Variants in SIPA1L1 observed in about 807,000 individuals in gnomAD.
SIPA1L1 encodes the protein signal-induced proliferation-associated 1-like protein 1.
SIPA1L1 carries 26 observed loss-of-function variants against 162.7 expected under a neutral mutation model. That is an observed-to-expected ratio of 0.16 (90% confidence interval 0.12 to 0.22). The LOEUF is 0.22. Among genes scored for constraint, SIPA1L1 ranks in the 10% least tolerant of loss-of-function variants. The pLI is 1.00. For missense variants in SIPA1L1, 1,874 were observed against 2,241.0 expected (o/e 0.84, Z 3.31); for synonymous variants, 829 against 837.4 (o/e 0.99, Z 0.17).
chr14:71,542,271 TTCCTCTTCCTC>T (rs1008743485), intron 4 of SIPA1L1, among the ~76,000 whole-genome samples: 5 of 139,866 alleles, frequency 3.6e-5, no homozygotes, highest in East Asian at 4.0e-4. Flanking sequence ...CTTCTTCTTC[TTCCTCTTCCTC>T]TCCTCTTCCT....
intron 2 of SIPA1L1, among the ~76,000 whole-genome samples, chr14:71,423,423 ACCT>A (rs1280040206): frequency 6.6e-6 from 1 of 152,118 alleles, no homozygotes; most frequent in Non-Finnish European, 1.5e-5. Context: ...TATAGCTTCT[ACCT>A]TATGTTTTCC....
intron 2 of SIPA1L1, among the ~76,000 whole-genome samples, chr14:71,349,286 A>T (rs2036467207): frequency 6.6e-6 from 1 of 152,204 alleles, no homozygotes. Flanking sequence ...GTTGAGCATT[A>T]CTTTTCTGCT....
chr14:71,608,559 C>T (rs2037800588), intron 5 of SIPA1L1, among the ~76,000 whole-genome samples: 1 of 152,040 alleles, frequency 6.6e-6, no homozygotes, highest in Admixed American at 6.6e-5. Context: ...TCTTTATAGT[C>T]ATTGACCATT....
rs1859643 is a variant in SIPA1L1 at position 71,588,751 on chromosome 14, A to C, written c.879A>C (p.Ser293=). The change falls in exon 5 of 24, where the codon TCA becomes TCC. Residue 293 remains serine (S), a synonymous_variant. Coordinates refer to ENST00000381232, the MANE Select transcript of SIPA1L1 (RefSeq NM_001386936.1). The surrounding 1 kb of genome is among the most constrained non-coding windows in gnomAD (Gnocchi z 4.3). ...GTTCAAAATCTGAAACTGGAGACTC[A>C]TCTATTTTTCGTAAATTGCGCAATG... The part of the protein sequence containing the change: ...KRRSKSETGD[S]SIFRKLRNAK... 0.78 allele frequency: 1,265,954 copies of C among 1,613,866 alleles called. 499,330 individuals are homozygous for C. Among genetic ancestry groups the C allele is most frequent in the East Asian group, 0.94 (41,960 of 44,846 alleles).
intron 17 of SIPA1L1, among the ~76,000 whole-genome samples, chr14:71,716,319 A>G (rs1385652309): frequency 1.3e-5 from 2 of 152,204 alleles, no homozygotes; most frequent in African/African-American, 4.8e-5. Flanking sequence ...CAATCACAGG[A>G]AACCCGATCA....
chr14:71,466,830 C>G (rs1301857243), intron 2 of SIPA1L1, among the ~76,000 whole-genome samples: 1 of 152,096 alleles, frequency 6.6e-6, no homozygotes. Flanking sequence ...GTGCACAGAA[C>G]CAATGTAATG....
chr14:71,469,518 G>C (rs910531220), intron 2 of SIPA1L1, among the ~76,000 whole-genome samples: 17 of 152,172 alleles, frequency 1.1e-4, no homozygotes, highest in African/African-American at 4.1e-4. Context: ...AAGCAGTATA[G>C]AGCTGGAATG....
At chr14:71,504,399 A>G (rs1370100596) in intron 2 of SIPA1L1, among the ~76,000 whole-genome samples, 2 of 152,190 alleles carry the variant, frequency 1.3e-5, no homozygotes, top group Non-Finnish European at 2.9e-5. Flanking sequence ...ACAGTTTCCT[A>G]TTTTTATAAA....
At chr14:71,431,049 C>T (rs1324720206) in intron 2 of SIPA1L1, among the ~76,000 whole-genome samples, 1 of 152,064 alleles carries the variant, frequency 6.6e-6, no homozygotes, top group Non-Finnish European at 1.5e-5. Context: ...GTTAGCAGCG[C>T]AGTGTTATTT....
At chr14:71,722,079 C>T (rs1246555889) in intron 17 of SIPA1L1, among the ~76,000 whole-genome samples, 1 of 152,228 alleles carries the variant, frequency 6.6e-6, no homozygotes, top group African/African-American at 2.4e-5. Context: ...CACACCCTCT[C>T]CCTCTCTGAC....
intron 13 of SIPA1L1, among the ~76,000 whole-genome samples, chr14:71,688,555 A>G (rs186831823): frequency 6.6e-6 from 1 of 152,318 alleles, no homozygotes; most frequent in East Asian, 1.9e-4. Flanking sequence ...GAAATTTAGT[A>G]AAACATAACT....
At chr14:71,620,975 T>C (rs1275966410) in intron 6 of SIPA1L1, among the ~76,000 whole-genome samples, 1 of 152,236 alleles carries the variant, frequency 6.6e-6, no homozygotes, top group Non-Finnish European at 1.5e-5. Flanking sequence ...TAATGTTCAC[T>C]TTATGACAAC....
intron 18 of SIPA1L1, 125 bp downstream of exon 18, chr14:71,724,011 G>T (rs2084001248): frequency 9.6e-7 from 1 of 1,045,030 alleles, no homozygotes; most frequent in South Asian, 1.7e-5. Flanking sequence ...TTGGTCTGTT[G>T]GTGGGATTAT....
chr14:71,625,467 G>A (rs918612107), intron 7 of SIPA1L1, among the ~76,000 whole-genome samples: 3 of 152,116 alleles, frequency 2.0e-5, no homozygotes, highest in African/African-American at 7.2e-5. Context: ...GCCTGGCCAG[G>A]TGTCTCTTTT....
Position 71,702,524 on chromosome 14 carries a change from CA to C in SIPA1L1, c.3646+21del. On this transcript the variant is annotated intron_variant, in intron 15 of 23. Coordinates refer to ENST00000381232, the MANE Select transcript of SIPA1L1 (RefSeq NM_001386936.1). The stretch of plus-strand genomic sequence containing the variant: ...CAGATGGGTAAGTAATCAATTTCTA[CA>C]AGAAGAAAGTTGCTTTTACAAGGTG... 6.2e-7 allele frequency: 1 copy of C among 1,611,446 alleles called. No individual in the cohort carries two copies. The highest frequency in any genetic ancestry group is 1.3e-5 in the African/African-American group (1 of 74,988).
At chr14:71,477,255 T>C (rs1445758281) in intron 2 of SIPA1L1, among the ~76,000 whole-genome samples, 2 of 152,116 alleles carry the variant, frequency 1.3e-5, no homozygotes, top group Non-Finnish European at 2.9e-5. Context: ...AGCAAGACTC[T>C]TTAAAACAAG....
At chr14:71,346,453 C>G (rs1594923858) in intron 2 of SIPA1L1, among the ~76,000 whole-genome samples, 1 of 152,130 alleles carries the variant, frequency 6.6e-6, no homozygotes, top group East Asian at 1.9e-4. Context: ...GACCCTCTTG[C>G]ACATGAGATT....
chr14:71,452,201 A>G lies in SIPA1L1; in HGVS notation c.-464-60542A>G, dbSNP rs571254259. Among the ~76,000 whole-genome samples, 76 of 151,480 alleles carry G rather than the reference A, an allele frequency of 5.0e-4. 1 individual carries two copies. The highest frequency in any genetic ancestry group is 1.6e-3 in the African/African-American group (66 of 41,328). ...CATGTTCTCTCCCATTTCAGTACCAACCACCCCCTATACTACCAAAGGTAA... is the reference window on the plus strand; with the variant it reads ...CATGTTCTCTCCCATTTCAGTACCAGCCACCCCCTATACTACCAAAGGTAA... On this transcript the variant is annotated intron_variant, in intron 2 of 23. Transcript: ENST00000381232.
At chr14:71,379,051 T>C (rs1037779256) in intron 2 of SIPA1L1, among the ~76,000 whole-genome samples, 2 of 152,218 alleles carry the variant, frequency 1.3e-5, no homozygotes, top group East Asian at 3.8e-4. Context: ...TTAGCCGTTC[T>C]GAAGTTCTGT....
Sources: gnomAD v4.1 joint callset for allele counts (sites outside exome capture counted in the v4.1 genomes callset) on GRCh38, gnomAD v4.1.1 for gene constraint, Gnocchi (gnomAD v3.1) non-coding constraint, MANE v1.5 for transcripts, NCBI Gene and HGNC (gene_info 2026-07-23, HGNC 2026-07-21) for gene names.